Variants in SKIC2 observed in about 807,000 individuals in gnomAD.
The protein encoded by SKIC2 is SKI2 subunit of superkiller complex.
chr6:31,967,179 G>A, the SKIC2 span: 2 of 1,607,248 alleles, frequency 1.2e-6, no homozygotes, highest in Non-Finnish European at 1.7e-6. The surrounding 1 kb of genome is among the most constrained non-coding windows in gnomAD (Gnocchi z 4.9). Context: ...GATAGGAGAA[G>A]GGAAGAGAAG....
At chr6:31,960,664 A>AG in the SKIC2 span, 19 of 1,589,336 alleles carry the variant, frequency 1.2e-5, no homozygotes, top group Non-Finnish European at 1.3e-5. Context: ...GTCTCTTCCC[A>AG]GGGGGGATGG....
chr6:31,962,217 G>T, the SKIC2 span, among the ~76,000 whole-genome samples: 1 of 152,186 alleles, frequency 6.6e-6, no homozygotes, highest in Admixed American at 6.5e-5. The surrounding 1 kb of genome is among the most constrained non-coding windows in gnomAD (Gnocchi z 5.0). Context: ...AAAAGACATG[G>T]TGGGGAGAAA....
chr6:31,961,117 G>C, the SKIC2 span: 1 of 1,611,526 alleles, frequency 6.2e-7, no homozygotes, highest in Non-Finnish European at 8.5e-7. Flanking sequence ...TTTTGAGTGG[G>C]GTGTAGGAGA....
the SKIC2 span, among the ~76,000 whole-genome samples, chr6:31,965,214 G>A: frequency 6.6e-6 from 1 of 152,162 alleles, no homozygotes; most frequent in Non-Finnish European, 1.5e-5. The surrounding 1 kb of genome is among the most constrained non-coding windows in gnomAD (Gnocchi z 5.6). Context: ...TCTCACCCTG[G>A]TCTGTGAGAG....
chr6:31,962,855 C>T, the SKIC2 span: 18 of 1,382,426 alleles, frequency 1.3e-5, no homozygotes, highest in Admixed American at 1.2e-4. The surrounding 1 kb of genome is among the most constrained non-coding windows in gnomAD (Gnocchi z 5.0). Context: ...ACCAGTTGAG[C>T]GTCTCCCTTA....
At chr6:31,967,150 G>C in the SKIC2 span, 1 of 1,608,976 alleles carries the variant, frequency 6.2e-7, no homozygotes, top group Non-Finnish European at 8.5e-7. This position sits in a 1 kb window ranked among gnomAD's most constrained non-coding sequence, Gnocchi z 4.9. Context: ...AGGTGAGCAA[G>C]TGTGAGTGCT....
chr6:31,963,918 C>T, the SKIC2 span: 9 of 1,609,968 alleles, frequency 5.6e-6, 1 homozygote, highest in Middle Eastern at 1.6e-4. This position sits in a 1 kb window ranked among gnomAD's most constrained non-coding sequence, Gnocchi z 5.3. Flanking sequence ...TCCAGGACCG[C>T]GGAGTGTACC....
At chr6:31,964,184 G>A in the SKIC2 span, 1 of 1,608,674 alleles carries the variant, frequency 6.2e-7, no homozygotes, top group East Asian at 2.2e-5. The surrounding 1 kb of genome is among the most constrained non-coding windows in gnomAD (Gnocchi z 5.0). Context: ...GGTGGGGATA[G>A]GGTGTTCCGA....
chr6:31,967,133 A>G, the SKIC2 span: 283 of 1,610,718 alleles, frequency 1.8e-4, no homozygotes, highest in Non-Finnish European at 2.3e-4. This position sits in a 1 kb window ranked among gnomAD's most constrained non-coding sequence, Gnocchi z 4.9. Flanking sequence ...GACCCAGCAC[A>G]TGATCCAGGT....
the SKIC2 span, chr6:31,961,693 T>G: frequency 1.1e-5 from 18 of 1,608,940 alleles, no homozygotes; most frequent in Non-Finnish European, 1.5e-5. Context: ...GGCCCCATCT[T>G]CACACGCTCC....
the SKIC2 span, chr6:31,963,454 C>T: frequency 6.8e-6 from 11 of 1,611,108 alleles, no homozygotes; most frequent in Admixed American, 1.0e-4. This position sits in a 1 kb window ranked among gnomAD's most constrained non-coding sequence, Gnocchi z 5.3. Flanking sequence ...AGCACTGTAA[C>T]CCGCCCCGTG....
At chr6:31,968,618 C>A in the SKIC2 span, 7 of 1,554,230 alleles carry the variant, frequency 4.5e-6, no homozygotes, top group Non-Finnish European at 6.2e-6. This position sits in a 1 kb window ranked among gnomAD's most constrained non-coding sequence, Gnocchi z 6.1. Flanking sequence ...CCGCCCCCAT[C>A]TCAGCCCTTG....
the SKIC2 span, among the ~76,000 whole-genome samples, chr6:31,965,249 G>A: frequency 6.6e-6 from 1 of 152,196 alleles, no homozygotes; most frequent in Non-Finnish European, 1.5e-5. The surrounding 1 kb of genome is among the most constrained non-coding windows in gnomAD (Gnocchi z 5.6). Flanking sequence ...TCCTTTGTTT[G>A]TGGTGGCATG....
At chr6:31,968,305 C>T in the SKIC2 span, 1 of 1,596,008 alleles carries the variant, frequency 6.3e-7, no homozygotes, top group East Asian at 2.2e-5. This position sits in a 1 kb window ranked among gnomAD's most constrained non-coding sequence, Gnocchi z 6.1. Context: ...TACCCCAGAT[C>T]TTAAGATCTG....
chr6:31,960,950 T>A, the SKIC2 span: 2 of 1,017,518 alleles, frequency 2.0e-6, no homozygotes, highest in Non-Finnish European at 3.1e-6. Context: ...CTACAGCATC[T>A]GTCCTGTAAA....
chr6:31,963,966 G>T, the SKIC2 span: 1 of 1,612,298 alleles, frequency 6.2e-7, no homozygotes, highest in Non-Finnish European at 8.5e-7. This position sits in a 1 kb window ranked among gnomAD's most constrained non-coding sequence, Gnocchi z 5.3. Flanking sequence ...GTGCCCAGTT[G>T]CCCGTGGTGG....
the SKIC2 span, chr6:31,960,413 C>T: frequency 1.2e-6 from 2 of 1,602,996 alleles, no homozygotes; most frequent in Non-Finnish European, 8.5e-7. Flanking sequence ...CTCATTGGGG[C>T]TCTGATCTCT....
the SKIC2 span, chr6:31,968,030 A>T: frequency 6.2e-7 from 1 of 1,612,914 alleles, no homozygotes; most frequent in Non-Finnish European, 8.5e-7. This position sits in a 1 kb window ranked among gnomAD's most constrained non-coding sequence, Gnocchi z 6.1. Flanking sequence ...GCTCCGGGTG[A>T]ATGGGGAGAA....
At chr6:31,961,053 T>C in the SKIC2 span, 1 of 1,612,100 alleles carries the variant, frequency 6.2e-7, no homozygotes, top group Non-Finnish European at 8.5e-7. Flanking sequence ...CTTCTTACTA[T>C]TCCACCTGGT....
Sources: allele counts gnomAD v4.1 joint callset (sites outside exome capture counted in the v4.1 genomes callset), GRCh38; gene constraint gnomAD v4.1.1; non-coding constraint Gnocchi (gnomAD v3.1); transcripts MANE v1.5; gene names NCBI Gene and HGNC (gene_info 2026-07-23, HGNC 2026-07-21).